Variants in ULK4 observed in about 807,000 individuals in gnomAD.
ULK4 encodes inactive serine/threonine-protein kinase ULK4.
Under a neutral mutation model 160.6 loss-of-function variants are expected in ULK4, and 133 were observed. The ratio of observed to expected loss-of-function variants is 0.83; its 90% CI spans 0.72 to 0.96. ULK4 has a LOEUF of 0.96. Among genes scored for constraint, ULK4 ranks in the 40% least tolerant of loss-of-function variants. ULK4 has a pLI of 0.00. For synonymous variants in ULK4, 534 were observed against 539.8 expected (o/e 0.99, Z 0.15); for missense variants, 1,580 against 1,499.5 (o/e 1.05, Z -0.89).
At chr3:41,461,466 T>C (rs1489540673) in intron 33 of ULK4, among the ~76,000 whole-genome samples, 2 of 152,198 alleles carry the variant, frequency 1.3e-5, no homozygotes, top group Non-Finnish European at 2.9e-5. Context: ...CTCCTTCATA[T>C]TGACACCAGG....
At chr3:41,303,361 G>T (rs574217074) in intron 35 of ULK4, among the ~76,000 whole-genome samples, 55 of 152,236 alleles carry the variant, frequency 3.6e-4, no homozygotes, top group African/African-American at 1.3e-3. Flanking sequence ...TCTAGTTCAC[G>T]CTAGAGTATT....
At chr3:41,619,221 C>T (rs1274715836) in intron 30 of ULK4, among the ~76,000 whole-genome samples, 2 of 151,786 alleles carry the variant, frequency 1.3e-5, no homozygotes, top group Non-Finnish European at 2.9e-5. Flanking sequence ...ACCAACGAGA[C>T]AAAAAATTAA....
intron 35 of ULK4, among the ~76,000 whole-genome samples, chr3:41,390,510 A>G (rs1257666561): frequency 2.0e-5 from 3 of 152,142 alleles, no homozygotes; most frequent in Non-Finnish European, 4.4e-5. Flanking sequence ...ATTTAGTGCT[A>G]TAAATTTCCC....
intron 32 of ULK4, among the ~76,000 whole-genome samples, chr3:41,493,703 G>A (rs1349214792): frequency 5.9e-5 from 9 of 151,336 alleles, no homozygotes; most frequent in Admixed American, 5.3e-4. Flanking sequence ...AACAAAAAAA[G>A]AGATAAGAAT....
At chr3:41,723,863 GT>G (rs1246486184) in intron 22 of ULK4, among the ~76,000 whole-genome samples, 2 of 152,180 alleles carry the variant, frequency 1.3e-5, no homozygotes, top group Non-Finnish European at 2.9e-5. Context: ...TAGCCCAGTC[GT>G]TTCCTTCCGA....
At chr3:41,589,506 A>G (rs1426554449) in intron 31 of ULK4, among the ~76,000 whole-genome samples, 1 of 151,920 alleles carries the variant, frequency 6.6e-6, no homozygotes, top group Admixed American at 6.6e-5. Flanking sequence ...CAGAGCTCAC[A>G]GAAGGCCAGG....
intron 2 of ULK4, among the ~76,000 whole-genome samples, chr3:41,944,611 C>T (rs535872792): frequency 3.3e-5 from 5 of 152,122 alleles, no homozygotes; most frequent in Non-Finnish European, 7.4e-5. Flanking sequence ...AAGAAGTGTA[C>T]TTATTTATTT....
chr3:41,869,603 T>C (rs1282304048), intron 17 of ULK4, among the ~76,000 whole-genome samples: 1 of 152,032 alleles, frequency 6.6e-6, no homozygotes, highest in Non-Finnish European at 1.5e-5. Flanking sequence ...ATATACAATA[T>C]ATACATAAAA....
chr3:41,253,220 G>A (rs2125669809), intron 35 of ULK4, among the ~76,000 whole-genome samples: 1 of 152,142 alleles, frequency 6.6e-6, no homozygotes, highest in Admixed American at 6.5e-5. Flanking sequence ...CAGGAATGAA[G>A]GAAGAGCAAT....
At chr3:41,262,323 C>T (rs1330500624) in intron 35 of ULK4, among the ~76,000 whole-genome samples, 1 of 152,196 alleles carries the variant, frequency 6.6e-6, no homozygotes, top group East Asian at 1.9e-4. Context: ...GTATTTAAGA[C>T]AGAAGCCTCT....
intron 20 of ULK4, among the ~76,000 whole-genome samples, chr3:41,797,913 C>CAAAAG (rs553656636): frequency 4.0e-5 from 6 of 149,506 alleles, no homozygotes; most frequent in African/African-American, 7.4e-5. Context: ...GAAAACAAAA[C>CAAAAG]AAAAGAAAAG....
intron 35 of ULK4, among the ~76,000 whole-genome samples, chr3:41,306,546 C>T (rs2125716110): frequency 6.6e-6 from 1 of 150,664 alleles, no homozygotes; most frequent in East Asian, 2.0e-4. Flanking sequence ...CCCTGCCCGG[C>T]CAGCCACCCC....
intron 32 of ULK4, among the ~76,000 whole-genome samples, chr3:41,505,867 G>T (rs1205858256): frequency 6.6e-6 from 1 of 152,030 alleles, no homozygotes; most frequent in Non-Finnish European, 1.5e-5. Flanking sequence ...AGTGGTCATG[G>T]TGGACATCTT....
chr3:41,250,454 T>C (rs1034029275), intron 35 of ULK4, among the ~76,000 whole-genome samples: 5 of 152,244 alleles, frequency 3.3e-5, no homozygotes, highest in Non-Finnish European at 5.9e-5. Flanking sequence ...AAGGTAAGTA[T>C]ATATCATGTT....
chr3:41,692,419 C>G (rs1208843946), intron 27 of ULK4, among the ~76,000 whole-genome samples: 1 of 150,616 alleles, frequency 6.6e-6, no homozygotes, highest in East Asian at 1.9e-4. Context: ...CAATGAGTAC[C>G]TTTTTGCTGC....
chr3:41,431,547 C>CCTTTTTTTTTTTTTTTTTT lies in ULK4; in HGVS notation c.3492+23949_3492+23950insAAAAAAAAAAAAAAAAAAG, dbSNP rs563543377. Reference sequence around the variant, plus strand: ...CCTGTGAGGTGTTGTAATTCCCTCCCTTTTTTTTTTTTTTTGATGTGGAAA... The same window carrying CCTTTTTTTTTTTTTTTTTT: ...CCTGTGAGGTGTTGTAATTCCCTCCCCTTTTTTTTTTTTTTTTTTTTTTTTTTTTTTTTTGATGTGGAAA... On this transcript the variant is annotated intron_variant, in intron 34 of 36. Coordinates refer to ENST00000301831, the MANE Select transcript of ULK4 (RefSeq NM_017886.4). Among the ~76,000 whole-genome samples, 434 of 95,792 alleles carry CCTTTTTTTTTTTTTTTTTT rather than the reference C, an allele frequency of 4.5e-3. 37 individuals are homozygous for CCTTTTTTTTTTTTTTTTTT. The highest frequency in any genetic ancestry group is 6.5e-3 in the African/African-American group (155 of 23,674). 62.8% of individuals were successfully genotyped at this position (95,792 alleles called of 152,430 possible).
At chr3:41,831,531 A>ATTTTTTTTTTTTTTTT (rs1553666744) in intron 18 of ULK4, among the ~76,000 whole-genome samples, 2 of 138,054 alleles carry the variant, frequency 1.4e-5, no homozygotes, top group African/African-American at 2.8e-5. Flanking sequence ...ATATATATAT[A>ATTTTTTTTTTTTTTTT]TTTTTTTTTC....
intron 22 of ULK4, among the ~76,000 whole-genome samples, chr3:41,729,240 T>C (rs1421992170): frequency 1.3e-5 from 2 of 152,114 alleles, no homozygotes; most frequent in Non-Finnish European, 1.5e-5. Context: ...AAATTCCCCC[T>C]ACAAGAAAAA....
In ULK4 at chr3:41,419,567, G is replaced by A. The variant is rs189770537; in HGVS notation, c.3493-21303C>T. 3.2e-3 allele frequency among the ~76,000 whole-genome samples: 481 copies of A among 152,304 alleles called. 21 individuals carry two copies. Among genetic ancestry groups the A allele is most frequent in the Admixed American group, 0.029 (451 of 15,300 alleles). On this transcript the variant is annotated intron_variant, in intron 34 of 36. Coordinates refer to ENST00000301831, the MANE Select transcript of ULK4 (RefSeq NM_017886.4). ...TGAGAGGTGGTAACACCGCCCTGCA[G>A]TGGTGGCGGTGGAGCTTGGAAAGTT...
Sources: allele counts gnomAD v4.1 joint callset (sites outside exome capture counted in the v4.1 genomes callset), GRCh38; gene constraint gnomAD v4.1.1; transcripts MANE v1.5; gene names NCBI Gene and HGNC (gene_info 2026-07-23, HGNC 2026-07-21).